RGS4: variants seen among roughly 807,000 people sequenced by gnomAD.
RGS4 encodes schizophrenia disorder 9.
RGS4 carries 15 observed loss-of-function variants against 21.6 expected under a neutral mutation model. The ratio of observed to expected loss-of-function variants is 0.69; its 90% CI spans 0.46 to 1.07. The LOEUF (loss-of-function observed/expected upper bound fraction) is 1.07. Among genes scored for constraint, RGS4 ranks in the 50% least tolerant of loss-of-function variants. The probability of loss-of-function intolerance (pLI) is 0.00; values close to 1 mark genes in which losing one functional copy is unlikely to be tolerated. For missense variants in RGS4, 237 were observed against 239.0 expected (o/e 0.99, Z 0.06); for synonymous variants, 94 against 85.5 (o/e 1.10, Z -0.55).
chr1:163,070,100 A>G (rs1277193582), intron 1 of RGS4, among the ~76,000 whole-genome samples: 1 of 152,166 alleles, frequency 6.6e-6, no homozygotes, highest in African/African-American at 2.4e-5. Context: ...CCCCATCTCT[A>G]GTTCTTGAAG....
chr1:163,069,196 T>G (rs942157908), upstream of RGS4: 26 of 1,516,016 alleles, frequency 1.7e-5, no homozygotes, highest in Non-Finnish European at 2.2e-5. Context: ...GGATTTTCTC[T>G]GCTCGTTCAC....
chr1:163,068,897 G>C (rs1484850703), upstream of RGS4: 4 of 1,404,230 alleles, frequency 2.8e-6, no homozygotes, highest in Non-Finnish European at 1.0e-6. Flanking sequence ...GATCCTGCCA[G>C]CTCCCTTTTG....
chr1:163,070,037 C>A (rs2661317), intron 1 of RGS4, among the ~76,000 whole-genome samples: 66,354 of 151,970 alleles, frequency 0.44, 15,370 homozygotes, highest in Non-Finnish European at 0.51. Context: ...TTCTTATAAG[C>A]AAATGTTACA....
chr1:163,072,586 G>A (rs1353313358), intron 2 of RGS4, 87 bp downstream of exon 2: 4 of 1,055,558 alleles, frequency 3.8e-6, no homozygotes, highest in South Asian at 2.8e-5. Flanking sequence ...TGTGCTCCTA[G>A]TTAAGCCAGA....
chr1:163,068,902 C>T (rs778379879), upstream of RGS4: 4 of 1,471,904 alleles, frequency 2.7e-6, no homozygotes, highest in South Asian at 4.7e-5. Flanking sequence ...TGCCAGCTCC[C>T]TTTTGGAAAT....
At position 163,075,149 on chromosome 1, in the gene RGS4, A is replaced by G. The variant is rs536575288; in HGVS notation, c.*589A>G. 6.0e-6 allele frequency: 1 copy of G among 166,316 alleles called. No homozygotes were observed. Among genetic ancestry groups the G allele is most frequent in the Admixed American group, 5.6e-5 (1 of 17,918 alleles). The allele number at this position is 166,316 out of a possible 1,614,324, so 10.3% of individuals were successfully genotyped here. On this transcript the variant is annotated 3_prime_UTR_variant, in exon 5 of 5. Coordinates refer to ENST00000367909, the MANE Select transcript of RGS4 (RefSeq NM_005613.6). ...CACACACTTTTGCAAGAGTGATGGG[A>G]AAGACCCTAGGTGCTCATAACTAGA...
rs1185360541 is a variant in RGS4 at position 163,072,511 on chromosome 1, G to A, written c.149+12G>A. ...GTTATTTGCCAGAGGTAAGAGAAAA[G>A]GCCTTGGTGAAGATGTACTTAGTAT... On this transcript the variant is annotated intron_variant, in intron 2 of 4. Transcript: ENST00000367909. 8.4e-6 allele frequency: 13 copies of A among 1,550,922 alleles called. No individual in the cohort carries two copies. Among genetic ancestry groups the A allele is most frequent in the Non-Finnish European group, 1.1e-5 (12 of 1,123,116 alleles).
At position 163,074,653 on chromosome 1, in the gene RGS4, T is replaced by C. The variant is rs1306801352; in HGVS notation, c.*93T>C. On this transcript the variant is annotated 3_prime_UTR_variant, in exon 5 of 5. Transcript: ENST00000367909. Reference sequence around the variant, plus strand: ...TGATCTGTATTAAGCTCCAGTGCTTTATCCACATTGTAGCCTAATATTCAT... The same window carrying C: ...TGATCTGTATTAAGCTCCAGTGCTTCATCCACATTGTAGCCTAATATTCAT... The C allele has an allele frequency of 1.3e-6, 2 of 1,551,498 alleles. No individual in the cohort carries two copies. The highest frequency in any genetic ancestry group is 1.7e-4 in the Middle Eastern group (1 of 5,970).
At chr1:163,072,006 T>C in intron 1 of RGS4, 1 of 990,620 alleles carries the variant, frequency 1.0e-6, no homozygotes, top group Non-Finnish European at 1.2e-6. Flanking sequence ...TGTGCATCTT[T>C]TGCCGCTACT....
Position 163,075,767 on chromosome 1 carries a change from T to C in RGS4, c.*1207T>C, listed in dbSNP as rs2661318. 0.96 allele frequency: 146,314 copies of C among 152,166 alleles called. 70,609 individuals are homozygous for C. Among genetic ancestry groups the C allele is most frequent in the East Asian group, 1 (5,162 of 5,162 alleles). The allele number at this position is 152,166 out of a possible 1,614,324, so 9.4% of individuals were successfully genotyped here. A position where few individuals can be genotyped will look rare whatever the true frequency, so the allele number is the denominator to read the frequency against. ...TTATAATGGCTCTGGGCTATATGCC[T>C]ATATTTATAAACCAGCAGCAGGGGA... On this transcript the variant is annotated 3_prime_UTR_variant, in exon 5 of 5. Coordinates refer to ENST00000367909, the MANE Select transcript of RGS4 (RefSeq NM_005613.6).
intron 2 of RGS4, 84 bp from the exon 3 acceptor site, chr1:163,072,721 G>T: frequency 1.7e-6 from 2 of 1,186,620 alleles, no homozygotes; most frequent in Non-Finnish European, 2.5e-6. Flanking sequence ...TAAAATCTTT[G>T]CCTTCATTCA....
Position 163,072,468 on chromosome 1 carries a change from A to C in RGS4, c.118A>C (p.Asn40His). The C allele has an allele frequency of 1.2e-6, 2 of 1,613,046 alleles. No homozygotes were observed. Among genetic ancestry groups the C allele is most frequent in the Non-Finnish European group, 1.7e-6 (2 of 1,179,314 alleles). ...TTCCTGTGAACACAATTCTTCCCACAACAAGAAGGACAAAGTGGTTATTTG... is the reference window on the plus strand; with the variant it reads ...TTCCTGTGAACACAATTCTTCCCACCACAAGAAGGACAAAGTGGTTATTTG... ...SDSCEHNSSH[N>H]KKDKVVICQR... The change falls in exon 2 of 5, where the codon AAC (asparagine) becomes CAC (histidine). Residue 40 changes from asparagine to histidine, a missense_variant. Coordinates refer to ENST00000367909, the MANE Select transcript of RGS4 (RefSeq NM_005613.6).
chr1:163,073,344 G>T, intron 3 of RGS4, 112 bp from the exon 4 acceptor site: 1 of 846,530 alleles, frequency 1.2e-6, no homozygotes, highest in Non-Finnish European at 1.8e-6. Flanking sequence ...GGGAAAAAGG[G>T]ATTGCTTGAA....
At position 163,074,497 on chromosome 1, in the gene RGS4, A is replaced by G; in HGVS notation, c.555A>G (p.Ala185=). 1 of 1,613,976 alleles carries G rather than the reference A, an allele frequency of 6.2e-7. No homozygotes were observed. Among genetic ancestry groups the G allele is most frequent in the Non-Finnish European group, 8.5e-7 (1 of 1,179,902 alleles). The part of the protein sequence containing the change: ...LDLVNPSSCG[A]EKQKGAKSSA... Reference sequence around the variant, plus strand: ...TGGTCAACCCGTCCAGCTGTGGGGCAGAAAAGCAGAAAGGAGCCAAGAGTT... The same window carrying G: ...TGGTCAACCCGTCCAGCTGTGGGGCGGAAAAGCAGAAAGGAGCCAAGAGTT... The change falls in exon 5 of 5, where the codon GCA becomes GCG. Residue 185 remains alanine (A), a synonymous_variant. Coordinates refer to ENST00000367909, the MANE Select transcript of RGS4 (RefSeq NM_005613.6).
At chr1:163,069,763 T>G (rs1250632237) in intron 1 of RGS4, among the ~76,000 whole-genome samples, 1 of 152,160 alleles carries the variant, frequency 6.6e-6, no homozygotes, top group Non-Finnish European at 1.5e-5. Context: ...AACTGTTCTA[T>G]TCTTTAAGCC....
In RGS4 at chr1:163,074,574, G is replaced by A; in HGVS notation, c.*14G>A. ...CAGTGTGCCTAATTCTCACCTGAAG[G>A]CAGAGGGATGAAATGCCAAGACTCT... On this transcript the variant is annotated 3_prime_UTR_variant, in exon 5 of 5. Coordinates refer to ENST00000367909, the MANE Select transcript of RGS4 (RefSeq NM_005613.6). The A allele has an allele frequency of 6.2e-7, 1 of 1,613,906 alleles. No homozygotes were observed. Among genetic ancestry groups the A allele is most frequent in the Non-Finnish European group, 8.5e-7 (1 of 1,179,898 alleles).
Position 163,075,632 on chromosome 1 carries a change from A to C in RGS4, c.*1072A>C, listed in dbSNP as rs1445436620. ...ATAGAAGTTAAAGGTTACTGTTTTT[A>C]TCCTCTATCCTTTTTTCCTTTCCTG... On this transcript the variant is annotated 3_prime_UTR_variant, in exon 5 of 5. Coordinates refer to ENST00000367909, the MANE Select transcript of RGS4 (RefSeq NM_005613.6). 3 of 152,100 alleles carry C rather than the reference A, an allele frequency of 2.0e-5. No homozygotes were observed. The highest frequency in any genetic ancestry group is 6.6e-5 in the Admixed American group (1 of 15,246). 9.4% of individuals were successfully genotyped at this position (152,100 alleles called of 1,614,324 possible). A position where few individuals can be genotyped will look rare whatever the true frequency, so the allele number is the denominator to read the frequency against.
At chr1:163,072,098 G>T (rs912888538) in intron 1 of RGS4, 3 of 1,082,202 alleles carry the variant, frequency 2.8e-6, no homozygotes, top group Non-Finnish European at 2.2e-6. Context: ...AAAGATATTC[G>T]GTTGGTCAAA....
chr1:163,072,836 G>A lies in RGS4; in HGVS notation c.181G>A (p.Glu61Lys). ...VSQEEVKKWA[E>K]SLENLISHEC... ...CCAAGAGGAAGTCAAGAAATGGGCT[G>A]AATCACTGGAAAACCTGATTAGTCA... is the stretch of plus-strand genomic sequence containing the variant. Residue 61 changes from glutamate (E) to lysine (K), a missense_variant, in exon 3 of 5, where the codon GAA (glutamate) becomes AAA (lysine). By Grantham distance (56) the Glu-to-Lys change is moderately conservative. Coordinates refer to ENST00000367909, the MANE Select transcript of RGS4 (RefSeq NM_005613.6). 5 of 1,613,168 alleles carry A rather than the reference G, an allele frequency of 3.1e-6. No homozygotes were observed. Among genetic ancestry groups the A allele is most frequent in the Middle Eastern group, 1.7e-4 (1 of 6,052 alleles).
Sources: allele counts gnomAD v4.1 joint callset (sites outside exome capture counted in the v4.1 genomes callset), GRCh38; gene constraint gnomAD v4.1.1; transcripts MANE v1.5; gene names NCBI Gene and HGNC (gene_info 2026-07-23, HGNC 2026-07-21).